Variants in DLGAP2 observed in about 807,000 individuals in gnomAD.
DLGAP2 encodes DLG associated protein 2.
A neutral mutation model predicts 100.3 loss-of-function variants in DLGAP2; 26 were observed. The observed-to-expected ratio is 0.26, with a 90% confidence interval of 0.19 to 0.36. The LOEUF is 0.36. Ranked by LOEUF, DLGAP2 falls within the 10% of genes least tolerant of loss-of-function variation. The pLI is 1.00. For missense variants in DLGAP2, 1,858 were observed against 1,453.2 expected (o/e 1.28, Z -4.53); for synonymous variants, 886 against 630.1 (o/e 1.41, Z -6.08).
At chr8:1,359,903 A>C (rs142246475) in intron 3 of DLGAP2, among the ~76,000 whole-genome samples, 130 of 152,328 alleles carry the variant, frequency 8.5e-4, no homozygotes, top group African/African-American at 3.1e-3. Flanking sequence ...AATCTCTTGG[A>C]ATTTTGCTAA....
rs139892753 is a variant in DLGAP2 at position 1,635,475 on chromosome 8, T to G, written c.1810+2429T>G. Among the ~76,000 whole-genome samples, 251 of 152,354 alleles carry G rather than the reference T, an allele frequency of 1.6e-3. 2 individuals are homozygous for G. The highest frequency in any genetic ancestry group is 3.4e-3 in the Middle Eastern group (1 of 294). On this transcript the variant is annotated intron_variant, in intron 8 of 14. Coordinates refer to ENST00000637795, the MANE Select transcript of DLGAP2 (RefSeq NM_001346810.2). ...CTAGCACTACGTTCAATAGCTGTCA[T>G]TTACTGATCCATGTATACATGTGTG...
chr8:1,209,510 G>A (rs1585154588), intron 2 of DLGAP2, among the ~76,000 whole-genome samples: 2 of 152,278 alleles, frequency 1.3e-5, no homozygotes, highest in South Asian at 4.1e-4. Flanking sequence ...TGTTTCTTGA[G>A]TGAATCATTT....
chr8:1,669,996 G>A (rs1014135531), intron 10 of DLGAP2, among the ~76,000 whole-genome samples: 1 of 152,122 alleles, frequency 6.6e-6, no homozygotes, highest in Non-Finnish European at 1.5e-5. Flanking sequence ...GCTGGGCTCC[G>A]GCGCCGGTAA....
rs941437752 is a variant in DLGAP2 at position 745,168 on chromosome 8, T to C, written c.18+7343T>C. On this transcript the variant is annotated intron_variant, in intron 1 of 14. Transcript: ENST00000637795. ...CTTTACCTTTTTTCTTGGTCTTTAATATGAAACCTTTAGCTCTTTAAAAAT... is the reference window on the plus strand; with the variant it reads ...CTTTACCTTTTTTCTTGGTCTTTAACATGAAACCTTTAGCTCTTTAAAAAT... Among the ~76,000 whole-genome samples, 3 of 152,274 alleles carry C rather than the reference T, an allele frequency of 2.0e-5. No individual in the cohort carries two copies. The East Asian group carries it at 5.8e-4, about 29-fold the overall frequency.
chr8:1,258,336 G>A (rs907335901), intron 2 of DLGAP2, among the ~76,000 whole-genome samples: 7 of 150,584 alleles, frequency 4.6e-5, no homozygotes, highest in South Asian at 2.1e-4. Context: ...GTGACAGGTC[G>A]TTACTACCAA....
At chr8:1,287,160 G>GCACGCGCGCGCGCA (rs148899684) in intron 3 of DLGAP2, among the ~76,000 whole-genome samples, 1 of 130,046 alleles carries the variant, frequency 7.7e-6, no homozygotes, top group Non-Finnish European at 1.7e-5. Context: ...GTGTGTGTGC[G>GCACGCGCGCGCGCA]CGCGCGCGCG....
rs183326200 is a variant in DLGAP2 at position 1,040,520 on chromosome 8, G to A, written c.73+132554G>A. ...CGTCTCGGTGTGCGTGGTTGGCTCGGTTTCCGTGGTCGGCTCGGTGTGCGT... is the reference window on the plus strand; with the variant it reads ...CGTCTCGGTGTGCGTGGTTGGCTCGATTTCCGTGGTCGGCTCGGTGTGCGT... On this transcript the variant is annotated intron_variant, in intron 2 of 14. Transcript: ENST00000637795. Among the ~76,000 whole-genome samples the A allele has an allele frequency of 6.2e-3, 904 of 146,730 alleles. 10 individuals carry two copies. Among genetic ancestry groups the A allele is most frequent in the African/African-American group, 0.021 (816 of 39,158 alleles).
At chr8:1,674,058 T>G (rs75699399) in intron 10 of DLGAP2, among the ~76,000 whole-genome samples, 2,398 of 152,322 alleles carry the variant, frequency 0.016, 71 homozygotes, top group African/African-American at 0.055. Context: ...AGAACCATCT[T>G]TATTTTTTAG....
intron 1 of DLGAP2, among the ~76,000 whole-genome samples, chr8:786,720 C>T (rs1187384069): frequency 1.3e-5 from 2 of 151,866 alleles, no homozygotes; most frequent in East Asian, 1.9e-4. Context: ...GAGAGTTTCC[C>T]TGTTAGCAAC....
chr8:1,597,907 T>C (rs1479555446), intron 6 of DLGAP2, among the ~76,000 whole-genome samples: 1 of 152,240 alleles, frequency 6.6e-6, no homozygotes, highest in Non-Finnish European at 1.5e-5. Context: ...ATCACTATGT[T>C]GAATAGGAAT....
intron 2 of DLGAP2, among the ~76,000 whole-genome samples, chr8:1,181,606 G>T (rs891400073): frequency 6.6e-6 from 1 of 152,004 alleles, no homozygotes; most frequent in African/African-American, 2.4e-5. Flanking sequence ...TACCTGGGGG[G>T]TGAAATAATC....
chr8:1,015,197 C>T (rs866452273), intron 2 of DLGAP2, among the ~76,000 whole-genome samples: 38 of 9,266 alleles, frequency 4.1e-3, no homozygotes, highest in African/African-American at 8.8e-3. Context: ...GGACAGACGA[C>T]GCCTCCACTG....
chr8:769,296 G>T (rs12386928), intron 1 of DLGAP2, among the ~76,000 whole-genome samples: 36,938 of 151,916 alleles, frequency 0.24, 5,462 homozygotes, highest in Non-Finnish European at 0.33. Context: ...TTGTTCTCTT[G>T]AGTTTCCACT....
intron 10 of DLGAP2, among the ~76,000 whole-genome samples, chr8:1,673,535 G>T (rs1040251047): frequency 6.6e-6 from 1 of 152,152 alleles, no homozygotes; most frequent in Non-Finnish European, 1.5e-5. Flanking sequence ...GGTAAAATCT[G>T]CACAGTTCAT....
chr8:1,025,241 C>G (rs1483644802), intron 2 of DLGAP2, among the ~76,000 whole-genome samples: 1 of 152,144 alleles, frequency 6.6e-6, no homozygotes, highest in African/African-American at 2.4e-5. Context: ...TCCAAACAAG[C>G]AAACACGGTG....
chr8:1,286,371 T>C (rs538680199), intron 3 of DLGAP2, among the ~76,000 whole-genome samples: 5 of 152,322 alleles, frequency 3.3e-5, no homozygotes, highest in South Asian at 4.1e-4. Context: ...AGCCGACTAA[T>C]ATACCAATGA....
intron 6 of DLGAP2, among the ~76,000 whole-genome samples, chr8:1,598,345 C>G (rs1372221196): frequency 2.0e-5 from 3 of 152,130 alleles, no homozygotes; most frequent in African/African-American, 7.2e-5. Flanking sequence ...TGTGTCTCTG[C>G]CAGGTTGTGG....
At chr8:1,433,113 G>A (rs1472841324) in intron 3 of DLGAP2, among the ~76,000 whole-genome samples, 2 of 152,328 alleles carry the variant, frequency 1.3e-5, no homozygotes, top group Middle Eastern at 3.4e-3. Context: ...TCCCCAGTGT[G>A]TGGGTGGGAG....
At chr8:1,260,980 A>C (rs1029831393) in intron 3 of DLGAP2, among the ~76,000 whole-genome samples, 3 of 152,216 alleles carry the variant, frequency 2.0e-5, no homozygotes, top group Non-Finnish European at 4.4e-5. Flanking sequence ...TCCATATCAC[A>C]CATACTGTCG....
Sources: gnomAD v4.1 joint callset for allele counts (sites outside exome capture counted in the v4.1 genomes callset) on GRCh38, gnomAD v4.1.1 for gene constraint, MANE v1.5 for transcripts, NCBI Gene and HGNC (gene_info 2026-07-23, HGNC 2026-07-21) for gene names.